Variants in TNRC6C observed in about 807,000 individuals in gnomAD.
The protein encoded by TNRC6C is trinucleotide repeat-containing gene 6C protein.
A neutral mutation model predicts 153.7 loss-of-function variants in TNRC6C; 20 were observed. The ratio of observed to expected loss-of-function variants is 0.13; its 90% CI spans 0.09 to 0.19. The LOEUF is 0.19. Among genes scored for constraint, TNRC6C ranks in the 10% least tolerant of loss-of-function variants. The pLI is 1.00. For synonymous variants in TNRC6C, 811 were observed against 841.4 expected, an observed-to-expected ratio of 0.96 and a Z score of 0.63; for missense variants, 1,987 against 2,172.0, an observed-to-expected ratio of 0.91 and a Z score of 1.69.
chr17:78,051,092 G>A, exon 3 of TNRC6C: 2 of 1,597,836 alleles, frequency 1.3e-6, no homozygotes, highest in South Asian at 1.1e-5. Flanking sequence ...AACAATGTGA[G>A]TAACTGGGGA....
chr17:78,058,112 C>G (rs2072695245), intron 3 of TNRC6C, among the ~76,000 whole-genome samples: 1 of 152,200 alleles, frequency 6.6e-6, no homozygotes, highest in Non-Finnish European at 1.5e-5. Flanking sequence ...ACTCCTCGAA[C>G]ATTGCCTCAA....
At chr17:78,003,068 A>G (rs549443112), upstream of TNRC6C, among the ~76,000 whole-genome samples, 1 of 152,332 alleles carries the variant, frequency 6.6e-6, no homozygotes, top group East Asian at 1.9e-4. Context: ...CAGTGGTGCA[A>G]TTCTGGGTGG....
At chr17:78,065,758 A>T (rs867059361) in intron 4 of TNRC6C, among the ~76,000 whole-genome samples, 5 of 152,164 alleles carry the variant, frequency 3.3e-5, no homozygotes, top group African/African-American at 9.7e-5. Context: ...AACTTGAAAA[A>T]ATTTTAAAAA....
chr17:78,092,938 A>T (rs1365267149), exon 15 of TNRC6C: 2 of 1,613,714 alleles, frequency 1.2e-6, no homozygotes, highest in South Asian at 1.1e-5. Context: ...CATAGGTGCT[A>T]TCCCTGGAGG....
chr17:78,069,271 TC>T (rs2072943797), intron 5 of TNRC6C, among the ~76,000 whole-genome samples: 2 of 151,638 alleles, frequency 1.3e-5, no homozygotes, highest in Admixed American at 1.3e-4. Flanking sequence ...GAGTAGCTGG[TC>T]CACAGAGAAG....
intron 1 of TNRC6C, among the ~76,000 whole-genome samples, chr17:78,019,127 A>T (rs145937317): frequency 2.8e-4 from 43 of 152,284 alleles, no homozygotes; most frequent in African/African-American, 1.0e-3. Flanking sequence ...AGATGACGAT[A>T]TTGAAGTGAC....
chr17:78,077,755 T>TA (rs2144372662), intron 9 of TNRC6C: 1 of 187,272 alleles, frequency 5.3e-6, no homozygotes, highest in African/African-American at 2.4e-5. Context: ...TTCCCAGAAA[T>TA]AAAGATGACA....
At chr17:78,073,762 C>G (rs751578995) in intron 7 of TNRC6C, among the ~76,000 whole-genome samples, 1 of 152,056 alleles carries the variant, frequency 6.6e-6, no homozygotes, top group Non-Finnish European at 1.5e-5. Flanking sequence ...TTTTCTGTTT[C>G]AAGACACCTT....
chr17:77,967,481 A>G (rs946357601), intron 1 of TNRC6C, among the ~76,000 whole-genome samples: 2 of 152,178 alleles, frequency 1.3e-5, no homozygotes, highest in Admixed American at 6.5e-5. Context: ...TGTGTTTTCA[A>G]CTAGTAAGCC....
chr17:77,982,883 A>G (rs1567900065), intron 1 of TNRC6C, among the ~76,000 whole-genome samples: 1 of 152,218 alleles, frequency 6.6e-6, no homozygotes, highest in Non-Finnish European at 1.5e-5. Context: ...TTAAGTAGTA[A>G]CAGACAAAAT....
chr17:78,103,599 C>A (rs370602371), intron 19 of TNRC6C, 46 bp downstream of exon 22: 2 of 1,611,104 alleles, frequency 1.2e-6, no homozygotes, highest in Non-Finnish European at 1.7e-6. Flanking sequence ...AGCTCCCCAT[C>A]CCCCAGAGCA....
intron 7 of TNRC6C, among the ~76,000 whole-genome samples, chr17:78,074,457 G>A (rs757503005): frequency 1.8e-4 from 27 of 152,324 alleles, no homozygotes; most frequent in Non-Finnish European, 3.2e-4. Context: ...GTGCACGTGC[G>A]ACAACGTGTG....
intron 19 of TNRC6C, 60 bp downstream of exon 22, chr17:78,103,613 G>A (rs1374678387): frequency 1.9e-6 from 3 of 1,602,766 alleles, no homozygotes. Context: ...CAGAGCATTA[G>A]GTTAGGGGTG....
chr17:78,074,456 C>G (rs911354075), intron 7 of TNRC6C, among the ~76,000 whole-genome samples: 3 of 152,160 alleles, frequency 2.0e-5, no homozygotes, highest in Non-Finnish European at 4.4e-5. Flanking sequence ...CGTGCACGTG[C>G]GACAACGTGT....
rs1172971065 is a variant in TNRC6C, at chr17:78,049,777, G to A, written c.715G>A (p.Gly239Ser). 1.9e-6 allele frequency: 3 copies of A among 1,594,416 alleles called. No homozygotes were observed. The highest frequency in any genetic ancestry group is 2.3e-5 in the South Asian group (2 of 87,498). ...ATCATCAGTTTCTCAAGTCAGTGGG[G>A]GCAGTGCTGAAGGAATAAGCAATTC... The change falls in exon 3 of 20, where the codon GGC becomes AGC. Residue 239 changes from glycine to serine, a missense_variant. Gly to Ser is a moderately conservative substitution (Grantham distance 56). Transcript: ENST00000301624. The surrounding 1 kb of genome is among the most constrained non-coding windows in gnomAD (Gnocchi z 4.1).
intron 2 of TNRC6C, among the ~76,000 whole-genome samples, chr17:78,039,309 G>GCCCCCCCCCCCCCC (rs11306576): frequency 8.8e-6 from 1 of 113,460 alleles, no homozygotes; most frequent in Admixed American, 8.9e-5. Context: ...TTCAAATCTT[G>GCCCCCCCCCCCCCC]CCCCCCCCCC....
rs868668925 is a variant in TNRC6C at position 78,028,088 on chromosome 17, C to T, written c.-545-3428C>T. ...TTTTTTTTTGTATTTTTAGTAGAGA[C>T]AGGGTTTCACCGTGTTAGTCAGGAT... On this transcript the variant is annotated intron_variant, in intron 1 of 19. Transcript: ENST00000301624. Among the ~76,000 whole-genome samples the T allele has an allele frequency of 9.2e-5, 14 of 152,086 alleles. 1 individual carries two copies. The highest frequency in any genetic ancestry group is 3.4e-3 in the Middle Eastern group (1 of 292).
At chr17:77,975,468 A>C (rs536337042) in intron 1 of TNRC6C, among the ~76,000 whole-genome samples, 10 of 152,346 alleles carry the variant, frequency 6.6e-5, no homozygotes, top group African/African-American at 1.9e-4. Flanking sequence ...CAACTGGTGG[A>C]AAGATGGTGG....
intron 10 of TNRC6C, among the ~76,000 whole-genome samples, chr17:78,080,711 T>C (rs1454633295): frequency 6.6e-6 from 1 of 152,104 alleles, no homozygotes; most frequent in African/African-American, 2.4e-5. Context: ...GTAATTCTGG[T>C]GTGAAGGTTG....
Sources: gnomAD v4.1 joint callset for allele counts (sites outside exome capture counted in the v4.1 genomes callset) on GRCh38, gnomAD v4.1.1 for gene constraint, Gnocchi (gnomAD v3.1) non-coding constraint, MANE v1.5 for transcripts, NCBI Gene and HGNC (gene_info 2026-07-23, HGNC 2026-07-21) for gene names.